The following VPS35L variants were observed in gnomAD, a reference collection of about 807,000 sequenced individuals.
VPS35L encodes VPS35 endosomal protein-sorting factor-like.
A neutral mutation model predicts 133.0 loss-of-function variants in VPS35L; 83 were observed. That is an observed-to-expected ratio of 0.62 (90% CI 0.52 to 0.75). VPS35L has a LOEUF of 0.75. Among genes scored for constraint, VPS35L ranks in the 30% least tolerant of loss-of-function variants. The probability of loss-of-function intolerance (pLI) is 0.00; values close to 1 mark genes in which losing one functional copy is unlikely to be tolerated. For missense variants in VPS35L, 1,083 were observed against 1,206.8 expected (o/e 0.90, Z 1.52); for synonymous variants, 423 against 449.9 (o/e 0.94, Z 0.76).
At position 19,633,417 on chromosome 16, in the gene VPS35L, C is replaced by T. The variant is rs74666248; in HGVS notation, c.1635+245C>T. Among the ~76,000 whole-genome samples, 9,359 of 152,284 alleles carry T rather than the reference C, an allele frequency of 0.061. 603 individuals carry two copies. Among genetic ancestry groups the T allele is most frequent in the African/African-American group, 0.15 (6,353 of 41,534 alleles). Reference sequence around the variant, plus strand: ...GTTACTGTGAGGATGAAGTGAAGCCCTCACACAGTGGCCTGGCACGTGGTA... The same window carrying T: ...GTTACTGTGAGGATGAAGTGAAGCCTTCACACAGTGGCCTGGCACGTGGTA... On this transcript the variant is annotated intron_variant, in intron 19 of 30. Coordinates refer to ENST00000417362, the MANE Select transcript of VPS35L (RefSeq NM_020314.7). The surrounding 1 kb of genome is among the most constrained non-coding windows in gnomAD (Gnocchi z 4.1).
At chr16:19,677,732 G>A (rs1399857533) in intron 27 of VPS35L, among the ~76,000 whole-genome samples, 1 of 152,184 alleles carries the variant, frequency 6.6e-6, no homozygotes, top group Non-Finnish European at 1.5e-5. Context: ...CCGTCAAGTG[G>A]TGATCTGTCT....
chr16:19,673,785 G>A (rs1435765589), intron 27 of VPS35L, among the ~76,000 whole-genome samples: 6 of 152,112 alleles, frequency 3.9e-5, no homozygotes, highest in African/African-American at 1.2e-4. Flanking sequence ...CCCAAGGTAG[G>A]AATCATTGCA....
intron 2 of VPS35L, among the ~76,000 whole-genome samples, chr16:19,567,063 CT>C (rs1409113928): frequency 6.6e-6 from 1 of 152,128 alleles, no homozygotes; most frequent in Non-Finnish European, 1.5e-5. Flanking sequence ...AGTTGGCCCC[CT>C]TTAATTGGCC....
chr16:19,673,007 C>T (rs909368195), intron 27 of VPS35L, among the ~76,000 whole-genome samples: 2 of 152,198 alleles, frequency 1.3e-5, no homozygotes, highest in East Asian at 1.9e-4. Flanking sequence ...TCAGTCCTGA[C>T]CTGAAGAGTT....
At chr16:19,615,902 G>A (rs1972873821) in intron 12 of VPS35L, among the ~76,000 whole-genome samples, 1 of 151,680 alleles carries the variant, frequency 6.6e-6, no homozygotes, top group South Asian at 2.1e-4. Context: ...GGGAGTCGGT[G>A]GTTGCAGTCA....
At chr16:19,565,967 G>T (rs977739867) in intron 2 of VPS35L, among the ~76,000 whole-genome samples, 4 of 152,194 alleles carry the variant, frequency 2.6e-5, no homozygotes, top group African/African-American at 9.7e-5. Flanking sequence ...GGTTGGTACT[G>T]TCTTATTAGC....
chr16:19,570,832 T>TTC (rs1410459893), intron 3 of VPS35L, among the ~76,000 whole-genome samples: 54 of 106,588 alleles, frequency 5.1e-4, no homozygotes, highest in African/African-American at 1.5e-3. Context: ...TATGCTGTGT[T>TTC]TCATATATAT....
chr16:19,579,146 G>C lies in VPS35L; in HGVS notation c.510+18G>C. On this transcript the variant is annotated intron_variant, in intron 6 of 30. Transcript: ENST00000417362. ...TTGAGGAGGTGAGCAAGTCATTTGT[G>C]GAATACAGGGAGTGGGAGAGCTTTT... The C allele has an allele frequency of 6.2e-7, 1 of 1,610,308 alleles. No homozygotes were observed. The highest frequency in any genetic ancestry group is 2.2e-5 in the East Asian group (1 of 44,804).
chr16:19,578,074 A>C (rs1971589403), intron 5 of VPS35L, among the ~76,000 whole-genome samples: 1 of 152,218 alleles, frequency 6.6e-6, no homozygotes, highest in African/African-American at 2.4e-5. Flanking sequence ...CTGCAGGCCA[A>C]GTCTGGTCCA....
rs926517177 is a variant in VPS35L at position 19,573,150 on chromosome 16, A to G, written c.317A>G (p.Asp106Gly). The G allele has an allele frequency of 8.1e-6, 13 of 1,613,846 alleles. No individual in the cohort carries two copies. The highest frequency in any genetic ancestry group is 1.1e-5 in the Non-Finnish European group (13 of 1,179,888). ...DSSRRKRDRDDNSVVGSDFEP... is the reference protein window; with the variant it reads ...DSSRRKRDRDGNSVVGSDFEP... ...TCCAGAAGGAAACGTGATAGAGATG[A>G]TAACTCCGTTGTAGGATCGGATTTT... is the stretch of plus-strand genomic sequence containing the variant. Residue 106 changes from aspartate (D) to glycine (G), a missense_variant, in exon 4 of 31, where the codon GAT becomes GGT. Asp to Gly is a moderately conservative substitution (Grantham distance 94, BLOSUM62 -1). Coordinates refer to ENST00000417362, the MANE Select transcript of VPS35L (RefSeq NM_020314.7).
chr16:19,562,961 C>T (rs536113603), intron 1 of VPS35L, among the ~76,000 whole-genome samples: 15 of 152,052 alleles, frequency 9.9e-5, no homozygotes, highest in Admixed American at 4.6e-4. Flanking sequence ...GATGGGGTTT[C>T]GCCATGTTGC....
intron 28 of VPS35L, among the ~76,000 whole-genome samples, chr16:19,684,129 A>G (rs1975377998): frequency 6.6e-6 from 1 of 152,068 alleles, no homozygotes; most frequent in South Asian, 2.1e-4. Flanking sequence ...GGTGCTCTGG[A>G]GGAAGGAGGT....
At chr16:19,631,323 T>C (rs989309446) in intron 18 of VPS35L, among the ~76,000 whole-genome samples, 1 of 151,898 alleles carries the variant, frequency 6.6e-6, no homozygotes, top group Non-Finnish European at 1.5e-5. Flanking sequence ...CCATCCAGAG[T>C]AAGAAATAGG....
intron 28 of VPS35L, among the ~76,000 whole-genome samples, chr16:19,689,708 C>G: frequency 6.6e-6 from 1 of 152,050 alleles, no homozygotes. Context: ...TCACTTCGTC[C>G]CACCCAGGAT....
intron 27 of VPS35L, among the ~76,000 whole-genome samples, chr16:19,678,879 C>T (rs1381498743): frequency 6.6e-6 from 1 of 152,096 alleles, no homozygotes; most frequent in Non-Finnish European, 1.5e-5. Flanking sequence ...TCTCCCAGCT[C>T]TTCGGTTGTG....
chr16:19,573,304 T>C (rs1349671422), intron 4 of VPS35L, 63 bp downstream of exon 4: 2 of 1,537,314 alleles, frequency 1.3e-6, no homozygotes, highest in Admixed American at 2.0e-5. Context: ...CTTTTTGTTA[T>C]GTTGCTTCAA....
At chr16:19,637,885 T>C (rs1248192356) in intron 20 of VPS35L, among the ~76,000 whole-genome samples, 2 of 152,248 alleles carry the variant, frequency 1.3e-5, no homozygotes, top group Non-Finnish European at 2.9e-5. Flanking sequence ...GTTTCATTCC[T>C]TACTTATGGG....
chr16:19,647,678 C>T lies in VPS35L; in HGVS notation c.1930-106C>T, dbSNP rs190679610. 3,077 of 887,230 alleles carry T rather than the reference C, an allele frequency of 3.5e-3. 92 individuals are homozygous for T. In the South Asian group the frequency reaches 0.041, roughly 12 times the overall value. 55.0% of individuals were successfully genotyped at this position (887,230 alleles called of 1,614,324 possible). A position where few individuals can be genotyped will look rare whatever the true frequency, so the allele number is the denominator to read the frequency against. Reference sequence around the variant, plus strand: ...TTCTTAGGTTCTAGTCCAGTGCCCACGTCATAAAGATGAGGTGGCAATAAT... The same window carrying T: ...TTCTTAGGTTCTAGTCCAGTGCCCATGTCATAAAGATGAGGTGGCAATAAT... On this transcript the variant is annotated intron_variant, in intron 23 of 30. Coordinates refer to ENST00000417362, the MANE Select transcript of VPS35L (RefSeq NM_020314.7).
intron 7 of VPS35L, among the ~76,000 whole-genome samples, chr16:19,591,065 T>G (rs982915605): frequency 1.3e-5 from 2 of 152,168 alleles, no homozygotes; most frequent in African/African-American, 4.8e-5. Context: ...AGCTGAAATG[T>G]TTTCAGCATT....
Sources: allele counts gnomAD v4.1 joint callset (sites outside exome capture counted in the v4.1 genomes callset), GRCh38; gene constraint gnomAD v4.1.1; non-coding constraint Gnocchi (gnomAD v3.1); transcripts MANE v1.5; gene names NCBI Gene and HGNC (gene_info 2026-07-23, HGNC 2026-07-21).